The following SNX27 variants were observed in gnomAD, a reference collection of about 807,000 sequenced individuals.
SNX27 encodes sorting nexin 27.
SNX27 carries 22 observed loss-of-function variants against 71.6 expected under a neutral mutation model. That is an observed-to-expected ratio of 0.31 (90% CI 0.22 to 0.44). SNX27 has a LOEUF of 0.44. Among genes scored for constraint, SNX27 ranks in the 20% least tolerant of loss-of-function variants. The pLI, the probability that SNX27 is intolerant of heterozygous loss-of-function variation, is 1.00. For missense variants in SNX27, 531 were observed against 698.6 expected (o/e 0.76, Z 2.70); for synonymous variants, 269 against 277.2 (o/e 0.97, Z 0.29).
intron 2 of SNX27, among the ~76,000 whole-genome samples, chr1:151,651,852 G>A (rs1669399096): frequency 6.6e-6 from 1 of 152,042 alleles, no homozygotes; most frequent in African/African-American, 2.4e-5. Flanking sequence ...AAGGCAGGCG[G>A]CTGGGAGGTG....
rs958377089 is a variant in SNX27 at position 151,695,110 on chromosome 1, A to G, written c.*693A>G. 1 of 152,596 alleles carries G rather than the reference A, an allele frequency of 6.6e-6. No individual in the cohort carries two copies. Among genetic ancestry groups the G allele is most frequent in the African/African-American group, 2.4e-5 (1 of 41,420 alleles). 9.5% of individuals were successfully genotyped at this position (152,596 alleles called of 1,614,324 possible). On this transcript the variant is annotated 3_prime_UTR_variant, in exon 12 of 12. Coordinates refer to ENST00000458013, the MANE Select transcript of SNX27 (RefSeq NM_001330723.2). ...GCCATAGAGTCTAGGAACAAGGAGT[A>G]TAGTTTCTTTATCTTCCAAGAGGGT... is the stretch of plus-strand genomic sequence containing the variant.
At chr1:151,657,534 C>T (rs7534887) in intron 2 of SNX27, among the ~76,000 whole-genome samples, 84,295 of 151,978 alleles carry the variant, frequency 0.55, 24,981 homozygotes, top group Non-Finnish European at 0.68. Flanking sequence ...AGGCCACACA[C>T]GAGTATCAGT....
At chr1:151,652,464 A>G (rs911058257) in intron 2 of SNX27, among the ~76,000 whole-genome samples, 1 of 136,932 alleles carries the variant, frequency 7.3e-6, no homozygotes, top group African/African-American at 2.8e-5. Context: ...GCTGGAGTGC[A>G]GTGGTGTGAT....
intron 1 of SNX27, among the ~76,000 whole-genome samples, chr1:151,630,298 T>G (rs75846463): frequency 0.021 from 3,181 of 152,270 alleles, 109 homozygotes; most frequent in African/African-American, 0.073. Flanking sequence ...TTTTTATATC[T>G]TTAGATGCAT....
In SNX27 at chr1:151,697,745, G is replaced by A. The variant is rs749664355; in HGVS notation, c.*3328G>A. ...ATCCCTACTGTTCTTCTTAGTCCCA[G>A]CTTCTGCCCAGGGAGGCTTCTACCC... On this transcript the variant is annotated 3_prime_UTR_variant, in exon 12 of 12. Coordinates refer to ENST00000458013, the MANE Select transcript of SNX27 (RefSeq NM_001330723.2). 6.6e-5 allele frequency: 10 copies of A among 152,670 alleles called. No individual in the cohort carries two copies. The highest frequency in any genetic ancestry group is 1.5e-5 in the Non-Finnish European group (1 of 68,130). The allele number at this position is 152,670 out of a possible 1,614,324, so 9.5% of individuals were successfully genotyped here.
intron 7 of SNX27, among the ~76,000 whole-genome samples, chr1:151,671,224 TC>T (rs1670440146): frequency 1.3e-5 from 2 of 151,090 alleles, no homozygotes; most frequent in African/African-American, 4.9e-5. Flanking sequence ...ATATGATTCC[TC>T]CAGTTTTGTT....
Position 151,696,514 on chromosome 1 carries a change from G to GTTCT in SNX27, c.*2101_*2104dup, listed in dbSNP as rs1334876785. On this transcript the variant is annotated 3_prime_UTR_variant, in exon 12 of 12. Coordinates refer to ENST00000458013, the MANE Select transcript of SNX27 (RefSeq NM_001330723.2). ...CTTTCTTTCTTTCTTTCGTTCTTTC[G>GTTCT]TTCTTTCGTTCTTTCTTTCTTTCTT... 1.7e-5 allele frequency: 2 copies of GTTCT among 118,664 alleles called. No individual in the cohort carries two copies. Among genetic ancestry groups the GTTCT allele is most frequent in the Admixed American group, 8.5e-5 (1 of 11,790 alleles). 7.4% of individuals were successfully genotyped at this position (118,664 alleles called of 1,614,324 possible). A position where few individuals can be genotyped will look rare whatever the true frequency, so the allele number is the denominator to read the frequency against.
At position 151,668,465 on chromosome 1, in the gene SNX27, C is replaced by T. The variant is rs1458912249; in HGVS notation, c.986-7C>T. 1 of 1,606,780 alleles carries T rather than the reference C, an allele frequency of 6.2e-7. No homozygotes were observed. The highest frequency in any genetic ancestry group is 1.1e-5 in the South Asian group (1 of 89,418). On this transcript the variant is annotated splice_polypyrimidine_tract_variant and splice_region_variant and intron_variant, in intron 6 of 11. Coordinates refer to ENST00000458013, the MANE Select transcript of SNX27 (RefSeq NM_001330723.2). ...CTCCAGCTTTCTGTGTTTTGTCTTT[C>T]CTTTAGTACGTAAATTGGCACCTAA... is the stretch of plus-strand genomic sequence containing the variant.
intron 8 of SNX27, 93 bp from the exon 9 acceptor site, chr1:151,692,342 C>T (rs1221485008): frequency 1.4e-6 from 2 of 1,387,512 alleles, no homozygotes; most frequent in African/African-American, 2.9e-5. Context: ...TTTTCTTGCA[C>T]CACATCTCAA....
intron 9 of SNX27, 116 bp downstream of exon 9, chr1:151,692,700 TG>T: frequency 2.0e-6 from 3 of 1,480,372 alleles, no homozygotes; most frequent in Non-Finnish European, 1.8e-6. Context: ...GTATTTTGAC[TG>T]GGGCAAATAA....
chr1:151,612,275 G>T lies in SNX27; in HGVS notation c.74G>T (p.Gly25Val), dbSNP rs571268932. ...AACGGAGGTGGCGGCGGCGGCGGGG[G>T]GTCTGGGCTCCACTGCGCCGGGAAC... The part of the protein sequence containing the change: ...HRNGGGGGGG[G>V]SGLHCAGNGG... The change falls in exon 1 of 12, where the codon GGG (glycine) becomes GTG (valine). Residue 25 changes from glycine (G) to valine (V), a missense_variant. Physicochemically the swap from Gly to Val is moderately radical, Grantham distance 109. Around this residue, in one of 5 missense-constraint regions of SNX27, gnomAD observed 130 missense variants for 143.5 expected, o/e 0.91. Coordinates refer to ENST00000458013, the MANE Select transcript of SNX27 (RefSeq NM_001330723.2). The surrounding 1 kb of genome is among the most constrained non-coding windows in gnomAD (Gnocchi z 5.2). The T allele has an allele frequency of 6.1e-6, 9 of 1,481,760 alleles. No homozygotes were observed. In the Admixed American group the frequency reaches 7.6e-5, roughly 13 times the overall value. 91.8% of individuals were successfully genotyped at this position (1,481,760 alleles called of 1,614,324 possible). A position where few individuals can be genotyped will look rare whatever the true frequency, so the allele number is the denominator to read the frequency against.
intron 11 of SNX27, 82 bp from the exon 12 acceptor site, chr1:151,694,288 C>G (rs1671600219): frequency 6.5e-7 from 1 of 1,537,488 alleles, no homozygotes; most frequent in Non-Finnish European, 8.7e-7. Context: ...CCAGGCATAC[C>G]TTTTTAGCTT....
chr1:151,660,940 G>A (rs933215056), intron 4 of SNX27, 78 bp downstream of exon 4: 115 of 1,095,488 alleles, frequency 1.0e-4, no homozygotes, highest in Admixed American at 5.3e-4. Flanking sequence ...TATTGATTAT[G>A]CATTAAATTT....
chr1:151,676,020 C>T (rs1670680828), intron 7 of SNX27: 1 of 149,210 alleles, frequency 6.7e-6, no homozygotes, highest in Non-Finnish European at 1.5e-5. Flanking sequence ...AAAATAGAGA[C>T]AGGATCTTGC....
chr1:151,644,157 A>G (rs1188541259), intron 2 of SNX27, among the ~76,000 whole-genome samples: 1 of 152,248 alleles, frequency 6.6e-6, no homozygotes, highest in South Asian at 2.1e-4. Flanking sequence ...AGTCTGCTCT[A>G]CTTTTAGGAT....
chr1:151,685,260 T>A (rs1671141289), intron 8 of SNX27: 1 of 152,220 alleles, frequency 6.6e-6, no homozygotes, highest in Non-Finnish European at 1.5e-5. Flanking sequence ...CATTGTAAGT[T>A]AGTGACCATC....
chr1:151,625,715 G>C (rs1667897472), intron 1 of SNX27, among the ~76,000 whole-genome samples: 1 of 150,376 alleles, frequency 6.6e-6, no homozygotes, highest in African/African-American at 2.5e-5. Context: ...AACCGGGGCG[G>C]TGGAAGTTGC....
At chr1:151,664,645 A>G (rs936422242) in intron 5 of SNX27, among the ~76,000 whole-genome samples, 4 of 152,072 alleles carry the variant, frequency 2.6e-5, no homozygotes, top group African/African-American at 9.7e-5. Flanking sequence ...TAATGCTTAT[A>G]TTTCTCTTTT....
At chr1:151,629,447 A>G (rs1202921890) in intron 1 of SNX27, 1 of 130,162 alleles carries the variant, frequency 7.7e-6, no homozygotes, top group African/African-American at 2.9e-5. Context: ...ACATATATAC[A>G]CATGTATATA....
Sources: gnomAD v4.1 joint callset for allele counts (sites outside exome capture counted in the v4.1 genomes callset) on GRCh38, gnomAD v4.1.1 for gene constraint, gnomAD v4.1.1 regional missense constraint, Gnocchi (gnomAD v3.1) non-coding constraint, MANE v1.5 for transcripts, NCBI Gene and HGNC (gene_info 2026-07-23, HGNC 2026-07-21) for gene names.